Variants in IQGAP1 observed in about 807,000 individuals in gnomAD.
IQGAP1 encodes ras GTPase-activating-like protein IQGAP1.
Under a neutral mutation model 215.6 loss-of-function variants are expected in IQGAP1, and 66 were observed. The observed-to-expected ratio is 0.31, with a 90% confidence interval of 0.25 to 0.38. IQGAP1 has a LOEUF of 0.38. Among genes scored for constraint, IQGAP1 ranks in the 10% least tolerant of loss-of-function variants. The pLI is 1.00. For missense variants in IQGAP1, 1,712 were observed against 1,997.1 expected, an observed-to-expected ratio of 0.86 and a Z score of 2.72; for synonymous variants, 772 against 728.7, an observed-to-expected ratio of 1.06 and a Z score of -0.96.
chr15:90,396,441 A>C (rs1964719946), intron 2 of IQGAP1, among the ~76,000 whole-genome samples: 1 of 152,160 alleles, frequency 6.6e-6, no homozygotes, highest in Non-Finnish European at 1.5e-5. Flanking sequence ...ATGGTGACCC[A>C]AGCTCTCTTT....
chr15:90,471,530 G>A (rs1392134941), intron 18 of IQGAP1, among the ~76,000 whole-genome samples: 7 of 147,598 alleles, frequency 4.7e-5, no homozygotes, highest in East Asian at 3.9e-4. Flanking sequence ...GCGGAGTTTC[G>A]CTCTTGTTGC....
Position 90,486,559 on chromosome 15 carries a change from G to GTT in IQGAP1, c.4025-382_4025-381dup, listed in dbSNP as rs35648452. ...TAGGCTCAAGTGATCCTCCTGAGTT[G>GTT]TTTTTTTTTTTTTTAATAGAGATGG... On this transcript the variant is annotated intron_variant, in intron 31 of 37. Transcript: ENST00000268182. The GTT allele has an allele frequency of 2.9e-3, 468 of 159,278 alleles. 2 individuals carry two copies. The highest frequency in any genetic ancestry group is 9.2e-3 in the South Asian group (62 of 6,772). The allele number at this position is 159,278 out of a possible 1,614,324, so 9.9% of individuals were successfully genotyped here.
chr15:90,491,130 A>G (rs190024784), intron 33 of IQGAP1, among the ~76,000 whole-genome samples: 13 of 152,274 alleles, frequency 8.5e-5, no homozygotes, highest in East Asian at 7.7e-4. Context: ...TTTTGTAGAT[A>G]TCATCTCTTC....
intron 4 of IQGAP1, among the ~76,000 whole-genome samples, chr15:90,433,175 C>A (rs1316798649): frequency 1.3e-5 from 2 of 152,212 alleles, no homozygotes; most frequent in Non-Finnish European, 2.9e-5. Flanking sequence ...CTAGCTACTT[C>A]ATCTGTGTAG....
At chr15:90,435,361 A>G (rs900106005) in intron 5 of IQGAP1, among the ~76,000 whole-genome samples, 2 of 152,182 alleles carry the variant, frequency 1.3e-5, no homozygotes, top group Non-Finnish European at 2.9e-5. Context: ...CTGTAGTCCT[A>G]GCTACTCTGG....
intron 26 of IQGAP1, among the ~76,000 whole-genome samples, chr15:90,480,921 G>A (rs1256063981): frequency 6.6e-6 from 1 of 152,144 alleles, no homozygotes; most frequent in Non-Finnish European, 1.5e-5. Flanking sequence ...ACCCGCCTCG[G>A]CCTCCCAAAG....
At position 90,486,113 on chromosome 15, in the gene IQGAP1, C is replaced by T; in HGVS notation, c.4005C>T (p.Pro1335=). 1 of 1,613,290 alleles carries T rather than the reference C, an allele frequency of 6.2e-7. No homozygotes were observed. Among genetic ancestry groups the T allele is most frequent in the East Asian group, 2.2e-5 (1 of 44,852 alleles). The change falls in exon 31 of 38, where the codon CCC becomes CCT. Residue 1335 remains proline (P), a synonymous_variant. Coordinates refer to ENST00000268182, the MANE Select transcript of IQGAP1 (RefSeq NM_003870.4). ...TGCTGGACGACCTCGGCGAGGTGCC[C>T]ACCATCGAGTCCCTGATAGGTAGAG... is the stretch of plus-strand genomic sequence containing the variant. ...HELLDDLGEV[P]TIESLIGESS... is the part of the protein sequence containing the mutation.
In IQGAP1 at chr15:90,439,409, T is replaced by TA. The variant is rs758682213; in HGVS notation, c.535+11dup. The TA allele has an allele frequency of 1.9e-6, 3 of 1,606,816 alleles. No individual in the cohort carries two copies. Among genetic ancestry groups the TA allele is most frequent in the Non-Finnish European group, 2.6e-6 (3 of 1,174,090 alleles). On this transcript the variant is annotated intron_variant, in intron 6 of 37. Transcript: ENST00000268182. ...AAGGTTGACTTCACAGGTAAGGAGT[T>TA]AGATACTTGGCAGGAAATGCTTGAA...
intron 15 of IQGAP1, among the ~76,000 whole-genome samples, chr15:90,459,282 A>G (rs1196607360): frequency 6.6e-6 from 1 of 152,268 alleles, no homozygotes; most frequent in East Asian, 1.9e-4. Context: ...CAGCAACAGC[A>G]TAAAAAGAGG....
chr15:90,461,775 T>G (rs961527722), intron 15 of IQGAP1, among the ~76,000 whole-genome samples: 1 of 151,114 alleles, frequency 6.6e-6, no homozygotes, highest in African/African-American at 2.4e-5. Flanking sequence ...TGCAGTAAGC[T>G]GAGATCATAC....
intron 1 of IQGAP1, among the ~76,000 whole-genome samples, chr15:90,390,264 C>T (rs2151692339): frequency 6.6e-6 from 1 of 152,334 alleles, no homozygotes; most frequent in South Asian, 2.1e-4. Flanking sequence ...GATTCAGGCC[C>T]TGTCACTTAT....
At chr15:90,450,371 A>G (rs1452325555) in intron 11 of IQGAP1, among the ~76,000 whole-genome samples, 1 of 43,816 alleles carries the variant, frequency 2.3e-5, no homozygotes, top group Non-Finnish European at 4.6e-5. Context: ...TTTACCATTT[A>G]TTCATTGATG....
At chr15:90,398,380 G>A (rs2151002291) in intron 2 of IQGAP1, among the ~76,000 whole-genome samples, 1 of 152,162 alleles carries the variant, frequency 6.6e-6, no homozygotes, top group South Asian at 2.1e-4. Context: ...GAGGGTGTGA[G>A]ATTTCCTTTT....
intron 33 of IQGAP1, among the ~76,000 whole-genome samples, chr15:90,488,251 A>AATAAATAAAT (rs1966156985): frequency 6.6e-6 from 1 of 151,624 alleles, no homozygotes; most frequent in African/African-American, 2.4e-5. Context: ...TAAATAAATA[A>AATAAATAAAT]ATAAATAAAT....
intron 3 of IQGAP1, among the ~76,000 whole-genome samples, chr15:90,428,034 A>G (rs1166742049): frequency 2.0e-5 from 3 of 152,072 alleles, no homozygotes; most frequent in Admixed American, 2.0e-4. Flanking sequence ...AAACAAAAAG[A>G]CTTATATGTT....
intron 2 of IQGAP1, among the ~76,000 whole-genome samples, chr15:90,416,095 G>A (rs1303964063): frequency 6.6e-6 from 1 of 152,020 alleles, no homozygotes; most frequent in African/African-American, 2.4e-5. Context: ...AATGTATACA[G>A]GTGCCATGTT....
At chr15:90,448,957 A>G (rs1020958466) in intron 10 of IQGAP1, among the ~76,000 whole-genome samples, 1 of 152,176 alleles carries the variant, frequency 6.6e-6, no homozygotes, top group Non-Finnish European at 1.5e-5. Context: ...TAAACAGACA[A>G]TACCCACCCA....
chr15:90,468,448 T>A (rs1166420747), intron 18 of IQGAP1, among the ~76,000 whole-genome samples: 1 of 152,162 alleles, frequency 6.6e-6, no homozygotes, highest in African/African-American at 2.4e-5. Context: ...CCAAACAAAG[T>A]CTCTGCTGTC....
chr15:90,459,438 C>G (rs1173523285), intron 15 of IQGAP1, among the ~76,000 whole-genome samples: 1 of 152,198 alleles, frequency 6.6e-6, no homozygotes, highest in Admixed American at 6.5e-5. Context: ...AACAGTATGT[C>G]TATCAAGTCA....
Sources: allele counts gnomAD v4.1 joint callset (sites outside exome capture counted in the v4.1 genomes callset), GRCh38; gene constraint gnomAD v4.1.1; transcripts MANE v1.5; gene names NCBI Gene and HGNC (gene_info 2026-07-23, HGNC 2026-07-21).